SV2C: variants seen among roughly 807,000 people sequenced by gnomAD.
SV2C encodes synaptic vesicle glycoprotein 2C.
SV2C carries 49 observed loss-of-function variants against 79.7 expected under a neutral mutation model. The observed-to-expected ratio is 0.61, with a 90% CI of 0.49 to 0.78. The LOEUF (loss-of-function observed/expected upper bound fraction) is 0.78, where lower values mean the gene tolerates loss of function less well. SV2C is among the 30% of genes least tolerant of loss of function. The pLI is 0.00. For missense variants in SV2C, 833 were observed against 912.9 expected (o/e 0.91, Z 1.13); for synonymous variants, 334 against 333.2 (o/e 1.00, Z -0.03).
intron 1 of SV2C, among the ~76,000 whole-genome samples, chr5:76,114,393 G>A (rs1417974599): frequency 5.3e-5 from 8 of 152,158 alleles, no homozygotes; most frequent in Admixed American, 5.2e-4. Flanking sequence ...ACACAAAGTA[G>A]AAAGAGAAAC....
At position 76,253,161 on chromosome 5, in the gene SV2C, G is replaced by A. The variant is rs569956985; in HGVS notation, c.914-32001G>A. ...TGATCAATAAAATCAGAAAAAGCAT[G>A]ATTCATGCCTAAAAATGTACTGCAT... On this transcript the variant is annotated intron_variant, in intron 4 of 12. Coordinates refer to ENST00000502798, the MANE Select transcript of SV2C (RefSeq NM_014979.4). Among the ~76,000 whole-genome samples, 10 of 152,316 alleles carry A rather than the reference G, an allele frequency of 6.6e-5. No homozygotes were observed. In the South Asian group the frequency reaches 2.1e-3, roughly 32 times the overall value.
the SV2C span, among the ~76,000 whole-genome samples, chr5:75,868,733 G>A: frequency 7.9e-5 from 12 of 152,228 alleles, no homozygotes; most frequent in Non-Finnish European, 1.5e-4. Flanking sequence ...CCCAGGGCTG[G>A]GTGTCAGTGG....
intron 4 of SV2C, among the ~76,000 whole-genome samples, chr5:76,214,497 T>G (rs190293836): frequency 7.2e-4 from 110 of 152,322 alleles, no homozygotes; most frequent in African/African-American, 2.6e-3. Flanking sequence ...CAAGGTTACT[T>G]TAGCTACTCA....
intron 1 of SV2C, among the ~76,000 whole-genome samples, chr5:76,114,077 T>C (rs1748180105): frequency 6.6e-6 from 1 of 152,206 alleles, no homozygotes; most frequent in African/African-American, 2.4e-5. Flanking sequence ...CCAGTTCTCA[T>C]GCTTTGCAGA....
At chr5:76,020,312 C>T in the SV2C span, among the ~76,000 whole-genome samples, 4 of 152,278 alleles carry the variant, frequency 2.6e-5, no homozygotes, top group East Asian at 3.9e-4. Context: ...AGATACTCTA[C>T]AAATGTCTAC....
the SV2C span, among the ~76,000 whole-genome samples, chr5:75,876,209 T>C: frequency 1.3e-5 from 2 of 152,110 alleles, no homozygotes; most frequent in African/African-American, 4.8e-5. Context: ...GAAAACATGG[T>C]ACATATACAT....
At chr5:76,040,035 A>T in the SV2C span, among the ~76,000 whole-genome samples, 7 of 152,194 alleles carry the variant, frequency 4.6e-5, no homozygotes. Context: ...ACAAGATATA[A>T]TACATGTACG....
chr5:76,339,568 A>G (rs747548103), intron 12 of SV2C, among the ~76,000 whole-genome samples: 4 of 151,986 alleles, frequency 2.6e-5, no homozygotes, highest in Admixed American at 6.6e-5. Context: ...CAAAAAATTA[A>G]CTGGGTGTGG....
the SV2C span, among the ~76,000 whole-genome samples, chr5:76,061,268 T>TAAAAAAAAAAAAAAAAA: frequency 1.9e-5 from 1 of 51,610 alleles, no homozygotes; most frequent in Non-Finnish European, 3.4e-5. Flanking sequence ...CTTCAATTTG[T>TAAAAAAAAAAAAAAAAA]AAAAAAAAAA....
chr5:75,904,207 A>C, the SV2C span, among the ~76,000 whole-genome samples: 2 of 152,248 alleles, frequency 1.3e-5, no homozygotes, highest in African/African-American at 4.8e-5. Context: ...AGGTGATTAA[A>C]GTCCTGCATA....
chr5:76,141,485 T>C (rs1478626146), intron 2 of SV2C, among the ~76,000 whole-genome samples: 3 of 152,112 alleles, frequency 2.0e-5, no homozygotes, highest in Non-Finnish European at 4.4e-5. Context: ...AACTTGCCGA[T>C]GTATTTCAGG....
chr5:76,214,752 T>C (rs1321231295), intron 4 of SV2C, among the ~76,000 whole-genome samples: 1 of 152,244 alleles, frequency 6.6e-6, no homozygotes, highest in East Asian at 1.9e-4. Context: ...CTGTGTTAAA[T>C]TTATTCCTAG....
upstream of SV2C, among the ~76,000 whole-genome samples, chr5:76,080,779 G>GGT (rs1467559848): frequency 6.6e-6 from 1 of 152,040 alleles, no homozygotes; most frequent in Non-Finnish European, 1.5e-5. Flanking sequence ...GGGGATGGAG[G>GGT]GTATACCCCT....
intron 2 of SV2C, among the ~76,000 whole-genome samples, chr5:76,192,410 G>A (rs933294510): frequency 4.6e-5 from 7 of 152,166 alleles, no homozygotes; most frequent in Non-Finnish European, 8.8e-5. Context: ...TAAAATGAGA[G>A]GCTTTGGATG....
chr5:75,989,960 C>T, the SV2C span, among the ~76,000 whole-genome samples: 2 of 132,128 alleles, frequency 1.5e-5, no homozygotes, highest in African/African-American at 2.9e-5. Context: ...CTGTTTATGT[C>T]CTTGGCCCCC....
At chr5:75,921,907 C>T in the SV2C span, among the ~76,000 whole-genome samples, 3 of 151,790 alleles carry the variant, frequency 2.0e-5, no homozygotes, top group Non-Finnish European at 2.9e-5. Flanking sequence ...AAGAAACAAT[C>T]ATCTAAAGTT....
the SV2C span, among the ~76,000 whole-genome samples, chr5:75,872,046 CAT>C: frequency 4.8e-5 from 7 of 145,446 alleles, no homozygotes; most frequent in South Asian, 1.5e-3. Flanking sequence ...ACAAAACTAT[CAT>C]ATATATTTAT....
chr5:75,985,673 T>C, the SV2C span, among the ~76,000 whole-genome samples: 1 of 151,830 alleles, frequency 6.6e-6, no homozygotes, highest in South Asian at 2.1e-4. Context: ...TGTTACTAAG[T>C]AGTAACAAAA....
chr5:76,276,509 G>C (rs940933233), intron 4 of SV2C, among the ~76,000 whole-genome samples: 4 of 152,132 alleles, frequency 2.6e-5, no homozygotes, highest in Non-Finnish European at 5.9e-5. Flanking sequence ...TGTATTTCTT[G>C]TAGAGACGAG....
Sources: allele counts gnomAD v4.1 joint callset (sites outside exome capture counted in the v4.1 genomes callset), GRCh38; gene constraint gnomAD v4.1.1; transcripts MANE v1.5; gene names NCBI Gene and HGNC (gene_info 2026-07-23, HGNC 2026-07-21).